Variants in FHIT observed in about 807,000 individuals in gnomAD.
FHIT encodes bis(5'-adenosyl)-triphosphatase.
A neutral mutation model predicts 17.9 loss-of-function variants in FHIT; 19 were observed. That is an observed-to-expected ratio of 1.06 (90% CI 0.74 to 1.56). The LOEUF (loss-of-function observed/expected upper bound fraction) is 1.56. FHIT is among the 40% of genes most tolerant of loss of function. The pLI is 0.00. For synonymous variants in FHIT, 81 were observed against 69.7 expected (o/e 1.16, Z -0.81); for missense variants, 248 against 189.2 (o/e 1.31, Z -1.82).
intron 4 of FHIT, among the ~76,000 whole-genome samples, chr3:60,679,698 T>C (rs528437575): frequency 1.3e-5 from 2 of 152,216 alleles, no homozygotes; most frequent in South Asian, 2.1e-4. Context: ...TCTATTTCTT[T>C]AAGAAAGATT....
Position 59,822,263 on chromosome 3 carries a change from T to C in FHIT, c.349-69942A>G, listed in dbSNP as rs551627435. Reference sequence around the variant, plus strand: ...AATTGTGCTGCTATGAACATGTGTGTGCAAGTACCTTTTTTGTATAATGAC... The same window carrying C: ...AATTGTGCTGCTATGAACATGTGTGCGCAAGTACCTTTTTTGTATAATGAC... On this transcript the variant is annotated intron_variant, in intron 8 of 9. Transcript: ENST00000492590. Among the ~76,000 whole-genome samples, 77 of 152,364 alleles carry C rather than the reference T, an allele frequency of 5.1e-4. 3 individuals are homozygous for C. Among genetic ancestry groups the C allele is most frequent in the African/African-American group, 1.9e-3 (77 of 41,582 alleles).
At chr3:61,115,724 C>T (rs2036281942) in intron 2 of FHIT, among the ~76,000 whole-genome samples, 1 of 152,050 alleles carries the variant, frequency 6.6e-6, no homozygotes, top group Non-Finnish European at 1.5e-5. Flanking sequence ...GATGAGACAA[C>T]TGCATGTATA....
chr3:60,097,248 C>A (rs1444328129), intron 5 of FHIT, among the ~76,000 whole-genome samples: 2 of 151,994 alleles, frequency 1.3e-5, no homozygotes, highest in African/African-American at 4.8e-5. Flanking sequence ...CTACCAGCCC[C>A]TCCAAACAGA....
At chr3:60,619,377 G>T (rs570769481) in intron 4 of FHIT, among the ~76,000 whole-genome samples, 4 of 152,218 alleles carry the variant, frequency 2.6e-5, no homozygotes, top group African/African-American at 9.6e-5. Context: ...TGATTCTAAA[G>T]TGTACATGGA....
chr3:60,300,226 T>C (rs1212957684), intron 5 of FHIT, among the ~76,000 whole-genome samples: 1 of 152,144 alleles, frequency 6.6e-6, no homozygotes, highest in Non-Finnish European at 1.5e-5. Flanking sequence ...TACACCTTTT[T>C]CCTAGAAGTG....
chr3:60,932,506 T>C (rs1175471166), intron 3 of FHIT, among the ~76,000 whole-genome samples: 1 of 152,122 alleles, frequency 6.6e-6, no homozygotes, highest in East Asian at 1.9e-4. Flanking sequence ...TCTGGGGGTA[T>C]CTATTCCCCA....
chr3:60,361,916 T>C (rs6772159), intron 5 of FHIT, among the ~76,000 whole-genome samples: 5,188 of 152,188 alleles, frequency 0.034, 216 homozygotes, highest in African/African-American at 0.1. Context: ...CCACTTCAGC[T>C]CTCATTTACA....
intron 3 of FHIT, among the ~76,000 whole-genome samples, chr3:60,990,743 C>T (rs1411976427): frequency 3.9e-5 from 6 of 152,160 alleles, no homozygotes; most frequent in Non-Finnish European, 8.8e-5. Flanking sequence ...TAATAATGTG[C>T]CCAGCTCCCC....
At chr3:61,139,323 T>C (rs1388633055) in intron 2 of FHIT, among the ~76,000 whole-genome samples, 1 of 152,136 alleles carries the variant, frequency 6.6e-6, no homozygotes. Flanking sequence ...CAGTATAATC[T>C]CTTTAACAAA....
At chr3:60,117,643 C>T (rs1401606657) in intron 5 of FHIT, among the ~76,000 whole-genome samples, 1 of 151,546 alleles carries the variant, frequency 6.6e-6, no homozygotes, top group Non-Finnish European at 1.5e-5. Flanking sequence ...AAACTTGTAA[C>T]AAAGCAAATG....
intron 3 of FHIT, among the ~76,000 whole-genome samples, chr3:61,040,968 C>T (rs1013900177): frequency 6.6e-6 from 1 of 152,134 alleles, no homozygotes; most frequent in African/African-American, 2.4e-5. Context: ...AGCCATTTTC[C>T]CTGCCTCCCC....
chr3:60,403,627 A>G lies in FHIT; in HGVS notation c.103+133233T>C, dbSNP rs533106373. 2.0e-5 allele frequency among the ~76,000 whole-genome samples: 3 copies of G among 152,276 alleles called. No individual in the cohort carries two copies. The South Asian group carries it at 6.2e-4, about 32-fold the overall frequency. ...TTATAGGTCATTAGACCCCCATTCC[A>G]GAAAGCGTCCTGCCCCATACCCAGA... On this transcript the variant is annotated intron_variant, in intron 5 of 9. Transcript: ENST00000492590.
At chr3:60,139,284 G>A (rs1699936944) in intron 5 of FHIT, among the ~76,000 whole-genome samples, 1 of 152,150 alleles carries the variant, frequency 6.6e-6, no homozygotes, top group Non-Finnish European at 1.5e-5. Flanking sequence ...CCATCCCATA[G>A]CTGATTCCTA....
intron 4 of FHIT, among the ~76,000 whole-genome samples, chr3:60,789,315 G>C (rs1161456534): frequency 6.6e-6 from 1 of 151,754 alleles, no homozygotes. Flanking sequence ...TCAAGAGATC[G>C]ATACCATCCT....
chr3:61,199,916 A>C (rs2038964199), intron 2 of FHIT, among the ~76,000 whole-genome samples: 1 of 152,222 alleles, frequency 6.6e-6, no homozygotes, highest in South Asian at 2.1e-4. Flanking sequence ...CAGAACAGAA[A>C]TTAAACAATG....
At chr3:60,845,430 T>C (rs188462433) in intron 3 of FHIT, among the ~76,000 whole-genome samples, 5 of 152,216 alleles carry the variant, frequency 3.3e-5, no homozygotes, top group Admixed American at 3.3e-4. Flanking sequence ...ACGTCTGGCT[T>C]CTGAGCAGAG....
intron 5 of FHIT, among the ~76,000 whole-genome samples, chr3:60,516,237 T>C (rs2107553948): frequency 6.6e-6 from 1 of 152,336 alleles, no homozygotes; most frequent in Non-Finnish European, 1.5e-5. Context: ...ATTCATTTAC[T>C]TAAAATAATA....
At chr3:60,719,317 T>A (rs2041757735) in intron 4 of FHIT, among the ~76,000 whole-genome samples, 1 of 152,208 alleles carries the variant, frequency 6.6e-6, no homozygotes, top group Admixed American at 6.5e-5. Context: ...ATGCTAAAAA[T>A]AACTTATAGG....
chr3:59,937,149 A>G (rs1305965455), intron 7 of FHIT, among the ~76,000 whole-genome samples: 1 of 152,234 alleles, frequency 6.6e-6, no homozygotes, highest in Non-Finnish European at 1.5e-5. Context: ...ATTTTATGTC[A>G]TTATCACTTT....
Sources: allele counts gnomAD v4.1 joint callset (sites outside exome capture counted in the v4.1 genomes callset), GRCh38; gene constraint gnomAD v4.1.1; transcripts MANE v1.5; gene names NCBI Gene and HGNC (gene_info 2026-07-23, HGNC 2026-07-21).